Variants in SYTL2 observed in about 807,000 individuals in gnomAD.
SYTL2 encodes the protein synaptotagmin-like protein 2.
SYTL2 carries 165 observed loss-of-function variants against 198.7 expected under a neutral mutation model. The observed-to-expected ratio is 0.83, with a 90% confidence interval of 0.73 to 0.94. The LOEUF is 0.94. SYTL2 is among the 40% of genes least tolerant of loss of function. SYTL2 has a pLI of 0.00. For synonymous variants in SYTL2, 966 were observed against 917.7 expected (o/e 1.05, Z -0.95); for missense variants, 2,835 against 2,582.8 (o/e 1.10, Z -2.12).
chr11:85,748,191 A>G lies in SYTL2; in HGVS notation c.253+81T>C, dbSNP rs562577287. 8 of 1,452,042 alleles carry G rather than the reference A, an allele frequency of 5.5e-6. No homozygotes were observed. In the Admixed American group the frequency reaches 5.8e-5, roughly 10 times the overall value. 89.9% of individuals were successfully genotyped at this position (1,452,042 alleles called of 1,614,324 possible). A position where few individuals can be genotyped will look rare whatever the true frequency, so the allele number is the denominator to read the frequency against. On this transcript the variant is annotated intron_variant, in intron 3 of 19. Transcript: ENST00000359152. ...ACATCCAAATGATTTCCATCAGCAG[A>G]TTTCTGACACCATTCCCTTCTCCCC... is the stretch of plus-strand genomic sequence containing the variant.
In SYTL2 at chr11:85,727,481, T is replaced by G; in HGVS notation, c.1877A>C (p.Glu626Ala). ...MNLSQKGTPK[E>A]GPGILQPFES... ...AAATGGTTGCAATATACCTGGGCCTTCCTTTGGGGTGCCTTTTTGGGACAA... is the reference window on the plus strand; with the variant it reads ...AAATGGTTGCAATATACCTGGGCCTGCCTTTGGGGTGCCTTTTTGGGACAA... The change falls in exon 8 of 20, where the codon GAA (glutamate) becomes GCA (alanine). Residue 626 changes from glutamate to alanine, a missense_variant. Coordinates refer to ENST00000359152, the MANE Select transcript of SYTL2 (RefSeq NM_206927.4). 6.5e-7 allele frequency: 1 copy of G among 1,536,116 alleles called. No homozygotes were observed. The highest frequency in any genetic ancestry group is 8.7e-7 in the Non-Finnish European group (1 of 1,146,892).
chr11:85,833,296 A>G, the SYTL2 span, among the ~76,000 whole-genome samples: 10 of 146,108 alleles, frequency 6.8e-5, no homozygotes, highest in Non-Finnish European at 1.2e-4. Context: ...GTACATCATT[A>G]TATCATATAT....
chr11:85,803,893 G>C (rs1054979365), intron 1 of SYTL2, among the ~76,000 whole-genome samples: 3 of 152,182 alleles, frequency 2.0e-5, no homozygotes, highest in Non-Finnish European at 2.9e-5. Flanking sequence ...ACATAGCAAA[G>C]GGACTGACAC....
chr11:85,695,053 G>C lies in SYTL2; in HGVS notation c.*142C>G. ...GGGCCTTGTAATCAAAGAAGCACATGCAGATTGACTTTTACATGCTGTGTA... is the reference window on the plus strand; with the variant it reads ...GGGCCTTGTAATCAAAGAAGCACATCCAGATTGACTTTTACATGCTGTGTA... On this transcript the variant is annotated 3_prime_UTR_variant, in exon 20 of 20. Coordinates refer to ENST00000359152, the MANE Select transcript of SYTL2 (RefSeq NM_206927.4). The C allele has an allele frequency of 1.4e-6, 1 of 715,908 alleles. No homozygotes were observed. Among genetic ancestry groups the C allele is most frequent in the Admixed American group, 3.0e-5 (1 of 33,384 alleles). 44.3% of individuals were successfully genotyped at this position (715,908 alleles called of 1,614,324 possible).
At chr11:85,730,220 G>A (rs1033930459) in intron 7 of SYTL2, among the ~76,000 whole-genome samples, 1 of 152,022 alleles carries the variant, frequency 6.6e-6, no homozygotes, top group African/African-American at 2.4e-5. Flanking sequence ...AGAAAAAGAG[G>A]GACTCCTCCC....
chr11:85,719,377 GAA>G (rs1217471973), intron 9 of SYTL2: 2 of 1,065,226 alleles, frequency 1.9e-6, no homozygotes, highest in Admixed American at 9.3e-5. Flanking sequence ...GAGCGTGCAG[GAA>G]TACCCGTCAG....
intron 15 of SYTL2, 52 bp downstream of exon 15, chr11:85,707,377 T>A: frequency 8.0e-7 from 1 of 1,248,822 alleles, no homozygotes; most frequent in Middle Eastern, 1.9e-4. Context: ...AAAGAAGACA[T>A]GGTAAACAGG....
rs568238675 is a variant in SYTL2, at chr11:85,726,501, G to A, written c.2857C>T (p.Arg953Cys). 2.9e-5 allele frequency: 47 copies of A among 1,607,030 alleles called. No homozygotes were observed. Among genetic ancestry groups the A allele is most frequent in the Admixed American group, 2.0e-4 (12 of 59,984 alleles). ...ACTTTAAAGTTGGCATTTGATTCAC[G>A]AACTAGAGGTCTGTCTTTCTCCAAT... ...APLEKDRPLV[R>C]ESNANFKVMS... Residue 953 changes from arginine to cysteine, a missense_variant, in exon 8 of 20, where the codon CGT (arginine) becomes TGT (cysteine). Transcript: ENST00000359152.
At chr11:85,803,485 G>A (rs558822565) in intron 1 of SYTL2, among the ~76,000 whole-genome samples, 5 of 152,176 alleles carry the variant, frequency 3.3e-5, no homozygotes, top group Admixed American at 1.3e-4. Flanking sequence ...GCCATGGAGC[G>A]CTGGGAGAAC....
rs2093026660 is a variant in SYTL2 at position 85,811,127 on chromosome 11, GTGTCGCCCGGCAC to G, written c.-576_-564del. ...GACGGACGCTGGCGGCACGGCCCGG[GTGTCGCCCGGCAC>G]TGTCAACGCAGAGCGGCGTGCGCGA... On this transcript the variant is annotated 5_prime_UTR_variant, in exon 1 of 20. Coordinates refer to ENST00000359152, the MANE Select transcript of SYTL2 (RefSeq NM_206927.4). 6.6e-6 allele frequency: 1 copy of G among 152,194 alleles called. No homozygotes were observed. Among genetic ancestry groups the G allele is most frequent in the Admixed American group, 6.5e-5 (1 of 15,290 alleles). The allele number at this position is 152,194 out of a possible 1,614,324, so 9.4% of individuals were successfully genotyped here.
At chr11:85,774,522 C>A (rs2092416548) in intron 1 of SYTL2, among the ~76,000 whole-genome samples, 1 of 152,120 alleles carries the variant, frequency 6.6e-6, no homozygotes, top group African/African-American at 2.4e-5. Flanking sequence ...GCTGGGGTTT[C>A]CCTCAAACCC....
intron 1 of SYTL2, among the ~76,000 whole-genome samples, chr11:85,789,297 T>A (rs1035479988): frequency 3.2e-5 from 4 of 126,502 alleles, no homozygotes; most frequent in South Asian, 2.4e-4. Context: ...ATATATATAT[T>A]TATTTATTTA....
chr11:85,852,548 A>AT, the SYTL2 span: 84 of 160,660 alleles, frequency 5.2e-4, no homozygotes, highest in East Asian at 9.0e-3. Flanking sequence ...TGGTTTTCGT[A>AT]TTTTTTTTGG....
chr11:85,751,463 G>A (rs1444896720), intron 2 of SYTL2, among the ~76,000 whole-genome samples: 3 of 152,170 alleles, frequency 2.0e-5, no homozygotes, highest in African/African-American at 7.2e-5. Flanking sequence ...GATGAAGAGA[G>A]AAAGGGGTAA....
chr11:85,854,766 TA>T, the SYTL2 span: 3 of 152,290 alleles, frequency 2.0e-5, no homozygotes, highest in Non-Finnish European at 4.4e-5. Flanking sequence ...CGTCTCATTT[TA>T]CAGCGGAAGA....
chr11:85,747,097 T>G (rs773309082), intron 3 of SYTL2, among the ~76,000 whole-genome samples: 3 of 152,196 alleles, frequency 2.0e-5, no homozygotes, highest in Admixed American at 6.5e-5. Flanking sequence ...AAGCCAGAGT[T>G]AATTAGAGAG....
chr11:85,853,484 C>T, the SYTL2 span: 9 of 300,228 alleles, frequency 3.0e-5, no homozygotes, highest in South Asian at 2.1e-4. Flanking sequence ...AGAGTCATCA[C>T]CACTCCCTAA....
upstream of SYTL2, among the ~76,000 whole-genome samples, chr11:85,814,399 T>A (rs2093059164): frequency 6.6e-6 from 1 of 152,132 alleles, no homozygotes; most frequent in Non-Finnish European, 1.5e-5. Context: ...AACCTACATG[T>A]AAAGGTTGGT....
At chr11:85,800,989 C>T (rs912028626) in intron 1 of SYTL2, among the ~76,000 whole-genome samples, 5 of 152,154 alleles carry the variant, frequency 3.3e-5, no homozygotes, top group East Asian at 3.8e-4. Context: ...GGCAACTATC[C>T]GGAAAACATA....
Sources: gnomAD v4.1 joint callset for allele counts (sites outside exome capture counted in the v4.1 genomes callset) on GRCh38, gnomAD v4.1.1 for gene constraint, MANE v1.5 for transcripts, NCBI Gene and HGNC (gene_info 2026-07-23, HGNC 2026-07-21) for gene names.